Variants in DNMT1 observed in about 807,000 individuals in gnomAD.
DNMT1 encodes the protein DNA (cytosine-5)-methyltransferase 1.
DNMT1 carries 24 observed loss-of-function variants against 205.3 expected under a neutral mutation model. That is an observed-to-expected ratio of 0.12 (90% CI 0.08 to 0.16). The LOEUF (loss-of-function observed/expected upper bound fraction) is 0.16, where lower values mean the gene tolerates loss of function less well. Ranked by LOEUF, DNMT1 falls within the 10% of genes least tolerant of loss-of-function variation. DNMT1 has a pLI of 1.00. For synonymous variants in DNMT1, 817 were observed against 839.8 expected (o/e 0.97, Z 0.47); for missense variants, 1,293 against 2,177.7 (o/e 0.59, Z 8.09).
intron 13 of DNMT1, 87 bp downstream of exon 13, chr19:10,162,580 T>G: frequency 2.8e-6 from 4 of 1,424,248 alleles, no homozygotes; most frequent in South Asian, 1.3e-5. Context: ...TTCTTTTTCC[T>G]AAGACCAGCC....
chr19:10,185,843 GAAAAAA>G (rs57377594), intron 1 of DNMT1, among the ~76,000 whole-genome samples: 1 of 70,726 alleles, frequency 1.4e-5, no homozygotes, highest in Non-Finnish European at 3.3e-5. Flanking sequence ...TGTCTCAAAA[GAAAAAA>G]AAAAAAAAAA....
intron 9 of DNMT1, among the ~76,000 whole-genome samples, chr19:10,171,352 C>T (rs745525894): frequency 5.9e-5 from 9 of 152,074 alleles, no homozygotes; most frequent in Non-Finnish European, 1.2e-4. Context: ...GCTGAGGTGA[C>T]AGACTGAAAC....
chr19:10,170,171 G>A (rs1025840235), intron 9 of DNMT1, among the ~76,000 whole-genome samples: 1 of 151,972 alleles, frequency 6.6e-6, no homozygotes, highest in Non-Finnish European at 1.5e-5. Flanking sequence ...TATAATCCCA[G>A]CTACTGGAGA....
chr19:10,149,357 A>AT, intron 26 of DNMT1, 96 bp downstream of exon 26: 2 of 1,473,068 alleles, frequency 1.4e-6, no homozygotes, highest in Non-Finnish European at 1.9e-6. Context: ...AAAAAACCAA[A>AT]TTAAAAAAAA....
intron 1 of DNMT1, among the ~76,000 whole-genome samples, chr19:10,183,693 A>G (rs887480802): frequency 6.6e-6 from 1 of 152,110 alleles, no homozygotes; most frequent in African/African-American, 2.4e-5. Flanking sequence ...CCTGGCCAAC[A>G]TGGCGAAACC....
At chr19:10,136,377 G>T in intron 37 of DNMT1, 90 bp from the exon 38 acceptor site, 2 of 1,556,686 alleles carry the variant, frequency 1.3e-6, no homozygotes, top group South Asian at 1.2e-5. Flanking sequence ...GGCAGAGATG[G>T]CACCTCCTGT....
At chr19:10,177,039 G>C (rs980517302) in intron 6 of DNMT1, among the ~76,000 whole-genome samples, 21 of 152,250 alleles carry the variant, frequency 1.4e-4, no homozygotes, top group African/African-American at 4.3e-4. Context: ...CTTGATAACT[G>C]TTGGCACTAG....
chr19:10,136,873 C>T (rs953812208), intron 37 of DNMT1, among the ~76,000 whole-genome samples: 4 of 151,962 alleles, frequency 2.6e-5, no homozygotes, highest in African/African-American at 4.8e-5. Context: ...GTGATCCTCC[C>T]GCCTTGGTTT....
In DNMT1 at chr19:10,137,779, G is replaced by A. The variant is rs1296694963; in HGVS notation, c.4293+53C>T. 10 of 1,592,228 alleles carry A rather than the reference G, an allele frequency of 6.3e-6. No homozygotes were observed. The highest frequency in any genetic ancestry group is 2.3e-5 in the East Asian group (1 of 43,914). On this transcript the variant is annotated intron_variant, in intron 36 of 40. Transcript: ENST00000359526. The surrounding 1 kb of genome is among the most constrained non-coding windows in gnomAD (Gnocchi z 6.4). ...TCTTGGGCAGGCTGACTGTTCCCAC[G>A]AGGCTGCTGGGCTGGGCCTCGAGGA...
chr19:10,153,428 G>A (rs544420018), intron 22 of DNMT1, among the ~76,000 whole-genome samples: 1 of 152,194 alleles, frequency 6.6e-6, no homozygotes, highest in African/African-American at 2.4e-5. Flanking sequence ...AAGGTCAGGA[G>A]TTTAAGACCA....
rs13784 is a variant in DNMT1 at position 10,133,520 on chromosome 19, G to A, written c.*147C>T. ...ATCACTAAATCATTAGTTGATAAGC[G>A]AACCTCACACAACAGCTTCATGTCA... On this transcript the variant is annotated 3_prime_UTR_variant, in exon 41 of 41. Coordinates refer to ENST00000359526, the MANE Select transcript of DNMT1 (RefSeq NM_001130823.3). The surrounding 1 kb of genome is among the most constrained non-coding windows in gnomAD (Gnocchi z 4.1). The A allele has an allele frequency of 6.9e-6, 6 of 873,608 alleles. No individual in the cohort carries two copies. Among genetic ancestry groups the A allele is most frequent in the African/African-American group, 6.7e-5 (4 of 59,312 alleles). 54.1% of individuals were successfully genotyped at this position (873,608 alleles called of 1,614,324 possible). A position where few individuals can be genotyped will look rare whatever the true frequency, so the allele number is the denominator to read the frequency against.
At chr19:10,180,055 T>A in intron 5 of DNMT1, 132 bp downstream of exon 5, 1 of 441,246 alleles carries the variant, frequency 2.3e-6, no homozygotes. Context: ...GGCTTATGCC[T>A]GTAATCCCAG....
rs527359798 is a variant in DNMT1 at position 10,168,055 on chromosome 19, G to A, written c.803+275C>T. On this transcript the variant is annotated intron_variant, in intron 10 of 40. Transcript: ENST00000359526. The stretch of plus-strand genomic sequence containing the variant: ...GGAGAATTGCTTGAGCCCGGGAGGT[G>A]GGGGTTGCAGTGAGCCAGGATTGCA... Among the ~76,000 whole-genome samples the A allele has an allele frequency of 2.1e-4, 32 of 152,116 alleles. No homozygotes were observed. In the South Asian group the frequency reaches 3.7e-3, roughly 18 times the overall value.
intron 22 of DNMT1, among the ~76,000 whole-genome samples, chr19:10,152,331 T>G (rs1017099734): frequency 6.7e-6 from 1 of 148,392 alleles, no homozygotes; most frequent in Non-Finnish European, 1.5e-5. Flanking sequence ...AACGGTGAAT[T>G]AAGACTTTTA....
chr19:10,134,034 A>G (rs2089427291), intron 40 of DNMT1, among the ~76,000 whole-genome samples, 183 bp downstream of exon 40: 1 of 152,160 alleles, frequency 6.6e-6, no homozygotes, highest in Admixed American at 6.5e-5. Flanking sequence ...CGCCTGCTCT[A>G]AGCACTTGAC....
chr19:10,160,475 A>T (rs2038545801), intron 13 of DNMT1, 57 bp from the exon 14 acceptor site: 1 of 1,588,876 alleles, frequency 6.3e-7, no homozygotes, highest in Non-Finnish European at 8.6e-7. Context: ...ACACCCAGAT[A>T]GTGCTTCGGT....
chr19:10,160,267 G>C (rs1023173776), intron 14 of DNMT1, 117 bp downstream of exon 14: 1 of 1,548,824 alleles, frequency 6.5e-7, no homozygotes, highest in Non-Finnish European at 8.8e-7. Flanking sequence ...TCACCAACCC[G>C]ATCCAAAATG....
At chr19:10,157,440 G>C (rs952605354) in intron 17 of DNMT1, among the ~76,000 whole-genome samples, 1 of 152,074 alleles carries the variant, frequency 6.6e-6, no homozygotes, top group African/African-American at 2.4e-5. Context: ...CTTGACATTC[G>C]GGAGCACGTT....
At chr19:10,177,598 AAAG>A (rs1380511644) in intron 5 of DNMT1, among the ~76,000 whole-genome samples, 1 of 152,166 alleles carries the variant, frequency 6.6e-6, no homozygotes, top group Non-Finnish European at 1.5e-5. Context: ...GCCAAATGCT[AAAG>A]AAGGCCAGGA....
Sources: gnomAD v4.1 joint callset for allele counts (sites outside exome capture counted in the v4.1 genomes callset) on GRCh38, gnomAD v4.1.1 for gene constraint, Gnocchi (gnomAD v3.1) non-coding constraint, MANE v1.5 for transcripts, NCBI Gene and HGNC (gene_info 2026-07-23, HGNC 2026-07-21) for gene names.